The following PAPSS1 variants were observed in gnomAD, a reference collection of about 807,000 sequenced individuals.
PAPSS1 encodes bifunctional 3'-phosphoadenosine 5'-phosphosulfate synthase 1.
PAPSS1 carries 50 observed loss-of-function variants against 72.0 expected under a neutral mutation model. The ratio of observed to expected loss-of-function variants is 0.69; its 90% CI spans 0.55 to 0.88. The LOEUF is 0.88. Ranked by LOEUF, PAPSS1 falls within the 40% of genes least tolerant of loss-of-function variation. The probability of loss-of-function intolerance (pLI) is 0.00; values close to 1 mark genes in which losing one functional copy is unlikely to be tolerated. For missense variants in PAPSS1, 657 were observed against 782.2 expected (o/e 0.84, Z 1.91); for synonymous variants, 261 against 263.6 (o/e 0.99, Z 0.09).
At position 107,660,957 on chromosome 4, in the gene PAPSS1, T is replaced by A. The variant is rs537417299; in HGVS notation, c.670-885A>T. ...GAGAAAAATACACTCAAAAGTTATATCTTTAGATAAATGTTATCCAAAAAT... is the reference window on the plus strand; with the variant it reads ...GAGAAAAATACACTCAAAAGTTATAACTTTAGATAAATGTTATCCAAAAAT... On this transcript the variant is annotated intron_variant, in intron 5 of 11. Coordinates refer to ENST00000265174, the MANE Select transcript of PAPSS1 (RefSeq NM_005443.5). 2.1e-3 allele frequency among the ~76,000 whole-genome samples: 317 copies of A among 152,276 alleles called. 3 individuals are homozygous for A. Among genetic ancestry groups the A allele is most frequent in the African/African-American group, 7.2e-3 (300 of 41,552 alleles).
rs1179132848 is a variant in PAPSS1, at chr4:107,680,085, T to C, written c.669+1930A>G. ...CATCTAAAAACTGTGGGACAACATA[T>C]TATTCAACATATGTGTAACTAGAGT... On this transcript the variant is annotated intron_variant, in intron 5 of 11. Transcript: ENST00000265174. Among the ~76,000 whole-genome samples, 9 of 152,134 alleles carry C rather than the reference T, an allele frequency of 5.9e-5. 1 individual carries two copies. In the South Asian group the frequency reaches 1.9e-3, roughly 32 times the overall value.
At chr4:107,657,119 G>A in intron 6 of PAPSS1, 112 bp from the exon 7 acceptor site, 1 of 713,624 alleles carries the variant, frequency 1.4e-6, no homozygotes, top group East Asian at 2.5e-5. Context: ...ACAGTGTAAG[G>A]ATGAGTATAG....
At chr4:107,634,946 C>T (rs1165110101) in intron 10 of PAPSS1, among the ~76,000 whole-genome samples, 4 of 151,282 alleles carry the variant, frequency 2.6e-5, no homozygotes, top group East Asian at 3.9e-4. Flanking sequence ...TACAGGCGCC[C>T]GCTACCACGC....
chr4:107,631,867 T>A lies in PAPSS1; in HGVS notation c.1507-7A>T. On this transcript the variant is annotated splice_polypyrimidine_tract_variant and splice_region_variant and intron_variant, in intron 10 of 11. Transcript: ENST00000265174. Reference sequence around the variant, plus strand: ...CTCTGCAATGCCACTGGACCTAGAATAAAAGTTTCATTTTAGGTAACTTTG... The same window carrying A: ...CTCTGCAATGCCACTGGACCTAGAAAAAAAGTTTCATTTTAGGTAACTTTG... 1 of 1,597,432 alleles carries A rather than the reference T, an allele frequency of 6.3e-7. No homozygotes were observed. The highest frequency in any genetic ancestry group is 8.6e-7 in the Non-Finnish European group (1 of 1,169,284).
chr4:107,648,564 TCTTG>T (rs2110314424), intron 9 of PAPSS1, among the ~76,000 whole-genome samples: 2 of 152,294 alleles, frequency 1.3e-5, no homozygotes, highest in Admixed American at 1.3e-4. Context: ...TACAACATCT[TCTTG>T]CTTCTTTCCT....
intron 11 of PAPSS1, among the ~76,000 whole-genome samples, chr4:107,625,393 A>C (rs1055368162): frequency 6.6e-6 from 1 of 152,198 alleles, no homozygotes; most frequent in African/African-American, 2.4e-5. Context: ...GAGAGATCTG[A>C]GGCATGACAG....
chr4:107,677,198 A>G (rs950783803), intron 5 of PAPSS1, among the ~76,000 whole-genome samples: 6 of 152,176 alleles, frequency 3.9e-5, no homozygotes, highest in Non-Finnish European at 8.8e-5. Context: ...ATCTAATTAA[A>G]CTCAAGAGCT....
chr4:107,685,705 A>G (rs1413648005), intron 4 of PAPSS1, among the ~76,000 whole-genome samples: 1 of 152,204 alleles, frequency 6.6e-6, no homozygotes, highest in Non-Finnish European at 1.5e-5. Context: ...TTGCCCATGG[A>G]ACTAATGCTA....
At chr4:107,659,068 C>T (rs1033528499) in intron 6 of PAPSS1, among the ~76,000 whole-genome samples, 1 of 152,188 alleles carries the variant, frequency 6.6e-6, no homozygotes, top group African/African-American at 2.4e-5. Flanking sequence ...TCACTCCATG[C>T]AGTCTGTAAG....
intron 10 of PAPSS1, among the ~76,000 whole-genome samples, chr4:107,644,462 T>G (rs1465216364): frequency 6.6e-6 from 1 of 152,128 alleles, no homozygotes; most frequent in Non-Finnish European, 1.5e-5. Flanking sequence ...CGGGACAAGA[T>G]CAGTGTTGTT....
At position 107,656,964 on chromosome 4, in the gene PAPSS1, G is replaced by T. The variant is rs1727029880; in HGVS notation, c.827C>A (p.Thr276Asn). ...WVQVLAEGWA[T>N]PLNGFMRERE... ...CTCTCTCATAAAGCCATTCAATGGG[G>T]TTGCCCAACCTTCTGCCAAAACCTG... Residue 276 changes from threonine (T) to asparagine (N), a missense_variant, in exon 7 of 12, where the codon ACC becomes AAC. By Grantham distance (65) the Thr-to-Asn change is moderately conservative. Coordinates refer to ENST00000265174, the MANE Select transcript of PAPSS1 (RefSeq NM_005443.5). 1.9e-6 allele frequency: 3 copies of T among 1,614,002 alleles called. No homozygotes were observed. The highest frequency in any genetic ancestry group is 1.1e-5 in the South Asian group (1 of 91,082).
chr4:107,692,459 G>A (rs534487070), intron 3 of PAPSS1, among the ~76,000 whole-genome samples: 1 of 152,150 alleles, frequency 6.6e-6, no homozygotes, highest in Non-Finnish European at 1.5e-5. Flanking sequence ...TCGTCAGAAT[G>A]GCTGTTATTA....
chr4:107,719,996 G>A, intron 1 of PAPSS1, 124 bp downstream of exon 1: 1 of 1,489,688 alleles, frequency 6.7e-7, no homozygotes, highest in Non-Finnish European at 8.9e-7. Context: ...CGCAGCCCCG[G>A]AACCCACCTC....
intron 5 of PAPSS1, among the ~76,000 whole-genome samples, chr4:107,674,612 T>C (rs1455063386): frequency 2.2e-4 from 33 of 152,064 alleles, no homozygotes; most frequent in Non-Finnish European, 1.5e-5. Context: ...CTGTCAACAT[T>C]AGACAGATCC....
At chr4:107,676,732 T>A (rs1316293366) in intron 5 of PAPSS1, among the ~76,000 whole-genome samples, 3 of 152,236 alleles carry the variant, frequency 2.0e-5, no homozygotes, top group East Asian at 3.9e-4. Context: ...GCCAAGTCAA[T>A]CCTAAGCCAA....
chr4:107,627,368 T>A (rs972944453), intron 11 of PAPSS1, among the ~76,000 whole-genome samples: 1 of 152,186 alleles, frequency 6.6e-6, no homozygotes, highest in Non-Finnish European at 1.5e-5. Context: ...ATCCTAACGC[T>A]CAGAACAAGA....
At chr4:107,621,077 AGAG>A (rs1339895665) in intron 11 of PAPSS1, among the ~76,000 whole-genome samples, 2 of 152,176 alleles carry the variant, frequency 1.3e-5, no homozygotes, top group Non-Finnish European at 2.9e-5. Context: ...TGTGTTTTTA[AGAG>A]GAGTGGGAAG....
intron 9 of PAPSS1, among the ~76,000 whole-genome samples, chr4:107,649,593 C>G (rs1388124539): frequency 6.6e-6 from 1 of 152,208 alleles, no homozygotes; most frequent in African/African-American, 2.4e-5. Context: ...CTTGCTGTCA[C>G]TTATCATCGA....
At chr4:107,620,462 T>C (rs1222251168) in intron 11 of PAPSS1, among the ~76,000 whole-genome samples, 2 of 152,186 alleles carry the variant, frequency 1.3e-5, no homozygotes, top group Non-Finnish European at 2.9e-5. Flanking sequence ...ACATGAAAAA[T>C]TGAATTATCT....
Sources: gnomAD v4.1 joint callset for allele counts (sites outside exome capture counted in the v4.1 genomes callset) on GRCh38, gnomAD v4.1.1 for gene constraint, MANE v1.5 for transcripts, NCBI Gene and HGNC (gene_info 2026-07-23, HGNC 2026-07-21) for gene names.